SERPINI1: variants seen among roughly 807,000 people sequenced by gnomAD.
The protein encoded by SERPINI1 is serpin family I member 1.
A neutral mutation model predicts 41.1 loss-of-function variants in SERPINI1; 19 were observed. That is an observed-to-expected ratio of 0.46 (90% confidence interval 0.32 to 0.68). SERPINI1 has a LOEUF of 0.68. Among genes scored for constraint, SERPINI1 ranks in the 30% least tolerant of loss-of-function variants. The probability of loss-of-function intolerance (pLI) is 0.03; values close to 1 mark genes in which losing one functional copy is unlikely to be tolerated. For missense variants in SERPINI1, 460 were observed against 479.2 expected, an observed-to-expected ratio of 0.96 and a Z score of 0.37; for synonymous variants, 138 against 156.6, an observed-to-expected ratio of 0.88 and a Z score of 0.89.
In SERPINI1 at chr3:167,746,458, G is replaced by A. The variant is rs1228718701; in HGVS notation, c.-19+10635G>A. On this transcript the variant is annotated intron_variant, in intron 1 of 8. Transcript: ENST00000446050. ...AAAACTTTTGTGTTTCAAAGGACAC[G>A]AGTTGAAAAGATAAGCCATATAATG... is the stretch of plus-strand genomic sequence containing the variant. 4.6e-5 allele frequency among the ~76,000 whole-genome samples: 7 copies of A among 152,086 alleles called. No homozygotes were observed. In the East Asian group the frequency reaches 9.6e-4, roughly 21 times the overall value.
chr3:167,789,017 G>C, intron 1 of SERPINI1, 94 bp from the exon 2 acceptor site: 1 of 1,222,826 alleles, frequency 8.2e-7, no homozygotes, highest in African/African-American at 1.5e-5. Flanking sequence ...ACTGTTAATT[G>C]ACTTTTTAAA....
At position 167,790,491 on chromosome 3, in the gene SERPINI1, T is replaced by A; in HGVS notation, c.370T>A (p.Phe124Ile). The A allele has an allele frequency of 1.2e-6, 2 of 1,613,572 alleles. No individual in the cohort carries two copies. Among genetic ancestry groups the A allele is most frequent in the Non-Finnish European group, 1.7e-6 (2 of 1,179,794 alleles). The part of the protein sequence containing the change: ...VQNGFHVNEE[F>I]LQMMKKYFNA... ...AAATGGATTTCATGTCAATGAGGAG[T>A]TTTTGCAAATGATGAAAAAATATTT... Residue 124 changes from phenylalanine to isoleucine, a missense_variant, in exon 3 of 9, where the codon TTT becomes ATT. Phe to Ile is a conservative substitution (Grantham distance 21). Transcript: ENST00000446050.
intron 6 of SERPINI1, among the ~76,000 whole-genome samples, chr3:167,819,208 C>T (rs1712228308): frequency 6.6e-6 from 1 of 151,852 alleles, no homozygotes; most frequent in Non-Finnish European, 1.5e-5. Flanking sequence ...GAGATGAAGT[C>T]TCACTATATT....
chr3:167,743,034 G>A (rs539209846), intron 1 of SERPINI1, among the ~76,000 whole-genome samples: 19 of 152,018 alleles, frequency 1.2e-4, no homozygotes, highest in East Asian at 1.2e-3. Flanking sequence ...AACACTTTTC[G>A]TAAAACTTGA....
chr3:167,750,809 T>C (rs1019698528), intron 1 of SERPINI1, among the ~76,000 whole-genome samples: 9 of 152,140 alleles, frequency 5.9e-5, no homozygotes, highest in Non-Finnish European at 1.2e-4. Flanking sequence ...GCAATATAAT[T>C]ATGATCTCAG....
chr3:167,740,840 T>G (rs1223327590), intron 1 of SERPINI1, among the ~76,000 whole-genome samples: 1 of 151,976 alleles, frequency 6.6e-6, no homozygotes, highest in East Asian at 1.9e-4. Flanking sequence ...GATTTAAAGA[T>G]GTGCTTTTAT....
intron 1 of SERPINI1, among the ~76,000 whole-genome samples, chr3:167,740,309 G>A (rs1168629894): frequency 6.6e-6 from 1 of 152,160 alleles, no homozygotes; most frequent in Non-Finnish European, 1.5e-5. Flanking sequence ...GGGATTACAG[G>A]TGTGAACCAC....
intron 6 of SERPINI1, among the ~76,000 whole-genome samples, chr3:167,811,818 G>A (rs969759081): frequency 1.3e-5 from 2 of 151,798 alleles, no homozygotes; most frequent in East Asian, 1.9e-4. Context: ...AACCACCCTG[G>A]GTAACATAAT....
At chr3:167,816,060 T>C (rs1004760410) in intron 6 of SERPINI1, among the ~76,000 whole-genome samples, 10 of 152,298 alleles carry the variant, frequency 6.6e-5, no homozygotes, top group African/African-American at 1.9e-4. Flanking sequence ...GAATTTGTTT[T>C]TGAGACAGGG....
chr3:167,791,999 C>T (rs1008481053), intron 3 of SERPINI1, among the ~76,000 whole-genome samples: 2 of 152,064 alleles, frequency 1.3e-5, no homozygotes, highest in Non-Finnish European at 2.9e-5. Context: ...GTGGCACACA[C>T]CTGTAATCCC....
chr3:167,793,596 A>ATATATATATATTTTTTT, intron 4 of SERPINI1, among the ~76,000 whole-genome samples: 5 of 140,610 alleles, frequency 3.6e-5, no homozygotes, highest in African/African-American at 1.4e-4. Flanking sequence ...ATATATATAT[A>ATATATATATATTTTTTT]TTTTTAATTA....
At chr3:167,822,537 G>A (rs1560019799) in intron 6 of SERPINI1, among the ~76,000 whole-genome samples, 1 of 151,956 alleles carries the variant, frequency 6.6e-6, no homozygotes, top group African/African-American at 2.4e-5. Context: ...TCTTTGCCAA[G>A]GGTATTTACA....
chr3:167,769,186 G>T (rs1304524688), intron 1 of SERPINI1, among the ~76,000 whole-genome samples: 2 of 152,006 alleles, frequency 1.3e-5, no homozygotes, highest in Non-Finnish European at 2.9e-5. Context: ...TAGAAACGGG[G>T]TTTCACCATG....
chr3:167,756,205 A>G (rs73035359), intron 1 of SERPINI1, among the ~76,000 whole-genome samples: 7,420 of 152,224 alleles, frequency 0.049, 588 homozygotes, highest in African/African-American at 0.17. Flanking sequence ...CTTTCAGTCA[A>G]ACACTTTACT....
At chr3:167,755,217 T>G (rs1300974789) in intron 1 of SERPINI1, among the ~76,000 whole-genome samples, 3 of 152,144 alleles carry the variant, frequency 2.0e-5, no homozygotes. Context: ...ATGACCTATT[T>G]CAGGATGGTA....
At chr3:167,754,718 T>G (rs1243156160) in intron 1 of SERPINI1, among the ~76,000 whole-genome samples, 1 of 152,246 alleles carries the variant, frequency 6.6e-6, no homozygotes, top group Non-Finnish European at 1.5e-5. Flanking sequence ...TATTTGGTTA[T>G]AGCAGAACTG....
intron 5 of SERPINI1, among the ~76,000 whole-genome samples, chr3:167,803,731 T>C (rs1711524698): frequency 6.6e-6 from 1 of 152,184 alleles, no homozygotes. Context: ...AATCCCCTAC[T>C]AATATCTTCC....
At chr3:167,824,041 A>G (rs1712435108) in intron 7 of SERPINI1, among the ~76,000 whole-genome samples, 1 of 152,204 alleles carries the variant, frequency 6.6e-6, no homozygotes, top group Non-Finnish European at 1.5e-5. Context: ...CGCTTCAGAC[A>G]AAAGAAATAA....
intron 1 of SERPINI1, among the ~76,000 whole-genome samples, chr3:167,767,770 G>T (rs142023233): frequency 6.6e-6 from 1 of 152,298 alleles, no homozygotes; most frequent in East Asian, 1.9e-4. Flanking sequence ...TTCAGTGGAG[G>T]AAGTAACTGT....
Sources: allele counts gnomAD v4.1 joint callset (sites outside exome capture counted in the v4.1 genomes callset), GRCh38; gene constraint gnomAD v4.1.1; transcripts MANE v1.5; gene names NCBI Gene and HGNC (gene_info 2026-07-23, HGNC 2026-07-21).